The following LRRC53 variants were observed in gnomAD, a reference collection of about 807,000 sequenced individuals.
The protein encoded by LRRC53 is leucine rich repeat containing 53.
In LRRC53, 25 loss-of-function variants were observed where a neutral mutation model predicts 13.6. The ratio of observed to expected loss-of-function variants is 1.83; its 90% CI spans 1.34 to 2.56. The LOEUF (loss-of-function observed/expected upper bound fraction) is 2.56, where lower values mean the gene tolerates loss of function less well. Ranked by LOEUF, LRRC53 falls within the 30% of genes most tolerant of loss-of-function variation. The pLI, the probability that LRRC53 is intolerant of heterozygous loss-of-function variation, is 0.00. For missense variants in LRRC53, 527 were observed against 275.8 expected (o/e 1.91, Z -6.45); for synonymous variants, 204 against 109.8 (o/e 1.86, Z -5.37).
In LRRC53 at chr1:74,480,882, G is replaced by A. The variant is rs1668463524; in HGVS notation, c.175C>T (p.Leu59Phe). The A allele has an allele frequency of 1.4e-6, 1 of 717,300 alleles. No homozygotes were observed. The highest frequency in any genetic ancestry group is 1.7e-5 in the African/African-American group (1 of 57,256). The allele number at this position is 717,300 out of a possible 1,614,324, so 44.4% of individuals were successfully genotyped here. Residue 59 changes from leucine to phenylalanine, a missense_variant, in exon 3 of 5, where the codon CTT becomes TTT. Physicochemically the swap from Leu to Phe is conservative, Grantham distance 22. Transcript: ENST00000294635. ...TTTCTGCTTAGGGAGAGCAGGGCAA[G>A]ATTAAACAAGAGAGACAGGTTTGTG... ...ESTNLSLLFN[L>F]ALLSLSRNGI...
the LRRC53 span, among the ~76,000 whole-genome samples, chr1:74,518,504 C>T: frequency 6.6e-6 from 1 of 152,112 alleles, no homozygotes; most frequent in Non-Finnish European, 1.5e-5. Flanking sequence ...TCTCCCACCT[C>T]AATATGCCTT....
intron 3 of LRRC53, among the ~76,000 whole-genome samples, chr1:74,477,221 A>T (rs1462700846): frequency 6.6e-6 from 1 of 152,126 alleles, no homozygotes; most frequent in Non-Finnish European, 1.5e-5. Context: ...GGGTAAGAAA[A>T]CTCAAGATTC....
rs964377882 is a variant in LRRC53, at chr1:74,480,254, T to C, written c.803A>G (p.Asn268Ser). The change falls in exon 3 of 5, where the codon AAC becomes AGC. Residue 268 changes from asparagine (N) to serine (S), a missense_variant. By Grantham distance (46) the Asn-to-Ser change is conservative. Coordinates refer to ENST00000294635, the MANE Select transcript of LRRC53 (RefSeq NM_001382280.1). ...GAAGTTGGGAGCTTTGGAATCACAG[T>C]TGGTCTCAGACAGCCTCAGCACACT... ...AQSVLRLSET[N>S]CDSKAPNFTL... 44 of 717,408 alleles carry C rather than the reference T, an allele frequency of 6.1e-5. No individual in the cohort carries two copies. In the Admixed American group the frequency reaches 7.2e-4, roughly 12 times the overall value. The allele number at this position is 717,408 out of a possible 1,614,324, so 44.4% of individuals were successfully genotyped here.
At chr1:74,527,913 T>C in the LRRC53 span, among the ~76,000 whole-genome samples, 1 of 152,104 alleles carries the variant, frequency 6.6e-6, no homozygotes, top group African/African-American at 2.4e-5. Context: ...TGGCACTGCC[T>C]GGCAGAGGGT....
At chr1:74,501,447 T>G (rs761075030) in intron 1 of LRRC53, among the ~76,000 whole-genome samples, 6 of 151,940 alleles carry the variant, frequency 3.9e-5, no homozygotes, top group Non-Finnish European at 8.8e-5. Context: ...CAACCAAAAC[T>G]TCAACTTGGA....
intron 1 of LRRC53, among the ~76,000 whole-genome samples, chr1:74,502,463 G>A (rs1205715600): frequency 6.6e-6 from 1 of 152,182 alleles, no homozygotes; most frequent in Non-Finnish European, 1.5e-5. Context: ...AAAAATGGTA[G>A]TTCATAATTT....
chr1:74,473,655 T>G (rs1462418534), intron 4 of LRRC53, among the ~76,000 whole-genome samples: 1 of 151,968 alleles, frequency 6.6e-6, no homozygotes, highest in Non-Finnish European at 1.5e-5. Flanking sequence ...CCCCAAGAGG[T>G]AAACTAAGTT....
upstream of LRRC53, among the ~76,000 whole-genome samples, chr1:74,516,929 T>C (rs1266256567): frequency 6.6e-6 from 1 of 152,192 alleles, no homozygotes; most frequent in African/African-American, 2.4e-5. Flanking sequence ...CAGTATTTTC[T>C]CCAGCAACCT....
In LRRC53 at chr1:74,480,936, T is replaced by C. The variant is rs1468961866; in HGVS notation, c.121A>G (p.Thr41Ala). Residue 41 changes from threonine (T) to alanine (A), a missense_variant, in exon 3 of 5, where the codon ACC becomes GCC. Thr to Ala is a moderately conservative substitution (Grantham distance 58). Coordinates refer to ENST00000294635, the MANE Select transcript of LRRC53 (RefSeq NM_001382280.1). ...TCAATAGAGGAGAGATATCCATCGG[T>C]GATGATTAAAACCCTCGTGGTCATA... Reference protein sequence around the residue: ...APMTTRVLIITDGYLSSIEST... With the variant: ...APMTTRVLIIADGYLSSIEST... 8 of 716,882 alleles carry C rather than the reference T, an allele frequency of 1.1e-5. No individual in the cohort carries two copies. The highest frequency in any genetic ancestry group is 1.8e-5 in the Non-Finnish European group (7 of 384,822). The allele number at this position is 716,882 out of a possible 1,614,324, so 44.4% of individuals were successfully genotyped here. A position where few individuals can be genotyped will look rare whatever the true frequency, so the allele number is the denominator to read the frequency against.
chr1:74,518,895 A>G, the LRRC53 span, among the ~76,000 whole-genome samples: 2 of 28,008 alleles, frequency 7.1e-5, no homozygotes, highest in African/African-American at 2.2e-4. Context: ...TTTTTTTTTT[A>G]TTATACTCTA....
chr1:74,535,418 CGAGA>C, the LRRC53 span, among the ~76,000 whole-genome samples: 2 of 152,088 alleles, frequency 1.3e-5, no homozygotes, highest in African/African-American at 4.8e-5. Context: ...TGCAGTGAGC[CGAGA>C]TTGCATCACT....
At chr1:74,524,933 G>C in the LRRC53 span, among the ~76,000 whole-genome samples, 1 of 152,120 alleles carries the variant, frequency 6.6e-6, no homozygotes, top group Non-Finnish European at 1.5e-5. Context: ...GAGGTACTTT[G>C]GGGCTGGAAA....
Position 74,493,963 on chromosome 1 carries a change from G to T in LRRC53, c.-26-10588C>A, listed in dbSNP as rs945932750. Among the ~76,000 whole-genome samples the T allele has an allele frequency of 2.0e-5, 3 of 152,210 alleles. No homozygotes were observed. The South Asian group carries it at 6.2e-4, about 32-fold the overall frequency. ...CAAAAGGCATGGGTAACTGGAGTGG[G>T]AATGGGGTCATAGTTCATTAATATA... is the stretch of plus-strand genomic sequence containing the variant. On this transcript the variant is annotated intron_variant, in intron 1 of 4. Coordinates refer to ENST00000294635, the MANE Select transcript of LRRC53 (RefSeq NM_001382280.1).
chr1:74,529,613 G>A, the LRRC53 span, among the ~76,000 whole-genome samples: 2 of 152,204 alleles, frequency 1.3e-5, no homozygotes, highest in Admixed American at 1.3e-4. Context: ...TTGTATTTTG[G>A]TTATGTAGGA....
At position 74,480,546 on chromosome 1, in the gene LRRC53, A is replaced by G; in HGVS notation, c.511T>C (p.Tyr171His). ...GGCCGGAAGGCATCTTTCCCAATGT[A>G]GGAAATAAAATTGTTGGATAAATCC... is the stretch of plus-strand genomic sequence containing the variant. ...YLDLSNNFIS[Y>H]IGKDAFRPLP... Residue 171 changes from tyrosine (Y) to histidine (H), a missense_variant, in exon 3 of 5, where the codon TAC (tyrosine) becomes CAC (histidine). Physicochemically the swap from Tyr to His is moderately conservative, Grantham distance 83. Coordinates refer to ENST00000294635, the MANE Select transcript of LRRC53 (RefSeq NM_001382280.1). 1.4e-6 allele frequency: 1 copy of G among 717,402 alleles called. No homozygotes were observed. Among genetic ancestry groups the G allele is most frequent in the Non-Finnish European group, 2.6e-6 (1 of 385,076 alleles). The allele number at this position is 717,402 out of a possible 1,614,324, so 44.4% of individuals were successfully genotyped here.
At chr1:74,508,343 A>G (rs1458616689) in intron 1 of LRRC53, among the ~76,000 whole-genome samples, 1 of 152,246 alleles carries the variant, frequency 6.6e-6, no homozygotes. Flanking sequence ...GTACCAGATA[A>G]CAGGCTATGG....
intron 1 of LRRC53, among the ~76,000 whole-genome samples, chr1:74,498,210 T>C (rs1257717050): frequency 1.3e-5 from 2 of 152,162 alleles, no homozygotes; most frequent in East Asian, 1.9e-4. Context: ...TATCCTACCA[T>C]CAACCTATCA....
At chr1:74,536,485 A>G in the LRRC53 span, among the ~76,000 whole-genome samples, 1 of 152,188 alleles carries the variant, frequency 6.6e-6, no homozygotes, top group African/African-American at 2.4e-5. Flanking sequence ...AATTATTCAT[A>G]TCCTAATGCA....
At chr1:74,535,799 TA>T in the LRRC53 span, among the ~76,000 whole-genome samples, 1 of 152,184 alleles carries the variant, frequency 6.6e-6, no homozygotes, top group Non-Finnish European at 1.5e-5. Flanking sequence ...CAGTTGTCGA[TA>T]TTCAGTCAGT....
Sources: gnomAD v4.1 joint callset for allele counts (sites outside exome capture counted in the v4.1 genomes callset) on GRCh38, gnomAD v4.1.1 for gene constraint, MANE v1.5 for transcripts, NCBI Gene and HGNC (gene_info 2026-07-23, HGNC 2026-07-21) for gene names.